APBA1: variants seen among roughly 807,000 people sequenced by gnomAD.
The protein encoded by APBA1 is amyloid beta precursor protein binding family A member 1, also known as amyloid-beta A4 precursor protein-binding family A member 1.
Under a neutral mutation model 86.6 loss-of-function variants are expected in APBA1, and 55 were observed. That is an observed-to-expected ratio of 0.64 (90% CI 0.51 to 0.80). The LOEUF (loss-of-function observed/expected upper bound fraction) is 0.80. APBA1 is among the 30% of genes least tolerant of loss of function. The pLI is 0.00. For synonymous variants in APBA1, 511 were observed against 493.9 expected (o/e 1.03, Z -0.46); for missense variants, 1,090 against 1,183.0 (o/e 0.92, Z 1.15).
At chr9:69,628,138 G>A (rs1822969682) in intron 1 of APBA1, among the ~76,000 whole-genome samples, 1 of 152,160 alleles carries the variant, frequency 6.6e-6, no homozygotes. Context: ...ACAGCAAAGA[G>A]CTGTAGGTAG....
rs976862578 is a variant in APBA1, at chr9:69,505,352, G to A, written c.1200+10659C>T. Among the ~76,000 whole-genome samples the A allele has an allele frequency of 2.0e-5, 3 of 151,944 alleles. No individual in the cohort carries two copies. The East Asian group carries it at 5.8e-4, about 29-fold the overall frequency. On this transcript the variant is annotated intron_variant, in intron 2 of 12. Transcript: ENST00000265381. Reference sequence around the variant, plus strand: ...CAACTTCAGGGCTCACGTTTCCCTGGCCACGCTTAACTTCTAGAGGATGAG... The same window carrying A: ...CAACTTCAGGGCTCACGTTTCCCTGACCACGCTTAACTTCTAGAGGATGAG...
At chr9:69,626,902 GA>G (rs11380646) in intron 1 of APBA1, among the ~76,000 whole-genome samples, 2,180 of 120,698 alleles carry the variant, frequency 0.018, 56 homozygotes, top group African/African-American at 0.054. Context: ...AGCACCTACA[GA>G]AAAAAAAAAA....
At chr9:69,517,499 G>T (rs2285080) in intron 1 of APBA1, among the ~76,000 whole-genome samples, 95,283 of 151,920 alleles carry the variant, frequency 0.63, 32,038 homozygotes, top group Non-Finnish European at 0.75. Flanking sequence ...GCCTTTCTCC[G>T]TTCCCACCCC....
intron 1 of APBA1, among the ~76,000 whole-genome samples, chr9:69,527,213 C>T (rs561389709): frequency 2.0e-5 from 3 of 151,702 alleles, no homozygotes; most frequent in Admixed American, 2.0e-4. Flanking sequence ...ACATGTACCC[C>T]CTGAATCTAA....
chr9:69,560,116 G>A (rs1040263425), intron 1 of APBA1, among the ~76,000 whole-genome samples: 2 of 152,192 alleles, frequency 1.3e-5, no homozygotes, highest in African/African-American at 2.4e-5. Context: ...CCCTGCATGC[G>A]TGGACATTAA....
chr9:69,501,761 G>A (rs911542739), intron 2 of APBA1, among the ~76,000 whole-genome samples: 1 of 152,044 alleles, frequency 6.6e-6, no homozygotes, highest in African/African-American at 2.4e-5. Flanking sequence ...CCAGGAGTGT[G>A]AGGCTGCAGT....
intron 11 of APBA1, among the ~76,000 whole-genome samples, chr9:69,434,554 A>C (rs1834664591): frequency 6.6e-6 from 1 of 152,100 alleles, no homozygotes; most frequent in Admixed American, 6.5e-5. Context: ...TAAAAATACA[A>C]AAATTAGCCG....
chr9:69,549,252 C>T (rs1836746841), intron 1 of APBA1, among the ~76,000 whole-genome samples: 1 of 152,184 alleles, frequency 6.6e-6, no homozygotes, highest in Non-Finnish European at 1.5e-5. Context: ...AAAGAGTGGG[C>T]TGGCTGTCAG....
At chr9:69,671,120 T>A (rs1337739088) in intron 1 of APBA1, among the ~76,000 whole-genome samples, 1 of 151,810 alleles carries the variant, frequency 6.6e-6, no homozygotes, top group African/African-American at 2.4e-5. Context: ...AGCCATAAGG[T>A]TTTCAGTGCT....
chr9:69,518,378 C>A lies in APBA1; in HGVS notation c.-69-1099G>T, dbSNP rs74308374. Among the ~76,000 whole-genome samples the A allele has an allele frequency of 2.9e-3, 434 of 152,232 alleles. 8 individuals carry two copies. Among genetic ancestry groups the A allele is most frequent in the East Asian group, 0.026 (135 of 5,184 alleles). ...GACTATATTCACTTTCCCCATGTAA[C>A]CTGAATCTAAAATTCTAAGATTTTA... On this transcript the variant is annotated intron_variant, in intron 1 of 12. Coordinates refer to ENST00000265381, the MANE Select transcript of APBA1 (RefSeq NM_001163.4).
intron 1 of APBA1, among the ~76,000 whole-genome samples, chr9:69,641,342 T>C (rs980837690): frequency 6.6e-6 from 1 of 152,170 alleles, no homozygotes; most frequent in African/African-American, 2.4e-5. Flanking sequence ...AAATGATCCA[T>C]AGATTCAACA....
intron 1 of APBA1, among the ~76,000 whole-genome samples, chr9:69,666,562 G>T (rs1357340176): frequency 6.6e-6 from 1 of 151,914 alleles, no homozygotes; most frequent in Non-Finnish European, 1.5e-5. Flanking sequence ...CTTGCACCTA[G>T]AATAGTTTCT....
intron 2 of APBA1, among the ~76,000 whole-genome samples, chr9:69,494,899 CACTG>C (rs1835771934): frequency 6.6e-6 from 1 of 152,158 alleles, no homozygotes; most frequent in African/African-American, 2.4e-5. Context: ...CTCATTACCT[CACTG>C]ACTAGCAAAG....
chr9:69,465,841 C>T (rs1366027380), intron 5 of APBA1, among the ~76,000 whole-genome samples: 1 of 152,170 alleles, frequency 6.6e-6, no homozygotes, highest in African/African-American at 2.4e-5. Flanking sequence ...AGACAAACAC[C>T]ACAGAAATGG....
chr9:69,472,389 A>C (rs562299163), intron 3 of APBA1: 2 of 152,422 alleles, frequency 1.3e-5, no homozygotes, highest in East Asian at 3.9e-4. Flanking sequence ...ACTGCCTGCT[A>C]TCAGAGGAGC....
chr9:69,454,985 A>G (rs1304114332), intron 8 of APBA1, among the ~76,000 whole-genome samples: 1 of 152,152 alleles, frequency 6.6e-6, no homozygotes, highest in Non-Finnish European at 1.5e-5. Context: ...GCTGCTTTCT[A>G]GAGAACAAGA....
chr9:69,566,743 C>T (rs1266028382), intron 1 of APBA1, among the ~76,000 whole-genome samples: 1 of 152,104 alleles, frequency 6.6e-6, no homozygotes, highest in African/African-American at 2.4e-5. Flanking sequence ...CCACTGTCCC[C>T]GAGGCGTCTT....
intron 1 of APBA1, among the ~76,000 whole-genome samples, chr9:69,594,085 T>C (rs76576692): frequency 4.3e-4 from 65 of 152,322 alleles, no homozygotes; most frequent in African/African-American, 1.5e-3. Context: ...ACTTATCATA[T>C]CGCTGAGTTG....
chr9:69,631,001 C>T, intron 1 of APBA1, among the ~76,000 whole-genome samples: 1 of 152,186 alleles, frequency 6.6e-6, no homozygotes, highest in African/African-American at 2.4e-5. Context: ...ATCTCCAGGA[C>T]TCAGTCTTCT....
Sources: allele counts gnomAD v4.1 joint callset (sites outside exome capture counted in the v4.1 genomes callset), GRCh38; gene constraint gnomAD v4.1.1; transcripts MANE v1.5; gene names NCBI Gene and HGNC (gene_info 2026-07-23, HGNC 2026-07-21).